ADAMTS16: variants seen among roughly 807,000 people sequenced by gnomAD.
ADAMTS16 encodes A disintegrin and metalloproteinase with thrombospondin motifs 16.
Under a neutral mutation model 145.8 loss-of-function variants are expected in ADAMTS16, and 94 were observed. The observed-to-expected ratio is 0.64, with a 90% CI of 0.55 to 0.77. The LOEUF (loss-of-function observed/expected upper bound fraction) is 0.77, where lower values mean the gene tolerates loss of function less well. Among genes scored for constraint, ADAMTS16 ranks in the 30% least tolerant of loss-of-function variants. The pLI is 0.00. For missense variants in ADAMTS16, 1,585 were observed against 1,591.5 expected (o/e 1.00, Z 0.07); for synonymous variants, 659 against 604.3 (o/e 1.09, Z -1.33).
chr5:5,309,915 G>A (rs558954790), intron 21 of ADAMTS16, among the ~76,000 whole-genome samples: 10 of 151,984 alleles, frequency 6.6e-5, no homozygotes, highest in African/African-American at 1.4e-4. Context: ...GTGGCCAGAC[G>A]AGCTCATAAA....
In ADAMTS16 at chr5:5,190,160, G is replaced by A. The variant is rs377356242; in HGVS notation, c.1207+30G>A. 31 of 1,538,730 alleles carry A rather than the reference G, an allele frequency of 2.0e-5. No individual in the cohort carries two copies. The East Asian group carries it at 4.9e-4, about 24-fold the overall frequency. On this transcript the variant is annotated intron_variant, in intron 7 of 22. Transcript: ENST00000274181. ...GAACCTCCAGCAGAGTGTGAGGACC[G>A]TGTGTGGAATGTGCACCCCTGGCCG...
chr5:5,153,328 A>G (rs894563665), intron 3 of ADAMTS16, among the ~76,000 whole-genome samples: 1 of 152,248 alleles, frequency 6.6e-6, no homozygotes, highest in Admixed American at 6.5e-5. Flanking sequence ...ATACCAGACT[A>G]TGAACTCTTC....
intron 3 of ADAMTS16, among the ~76,000 whole-genome samples, chr5:5,161,415 G>T (rs567356243): frequency 6.6e-6 from 1 of 152,240 alleles, no homozygotes; most frequent in African/African-American, 2.4e-5. Flanking sequence ...CTGACTCCAG[G>T]CTCTGTCATG....
chr5:5,274,705 CAT>C (rs1033429080), intron 18 of ADAMTS16, among the ~76,000 whole-genome samples: 2 of 146,362 alleles, frequency 1.4e-5, no homozygotes, highest in Admixed American at 7.1e-5. Context: ...TATATATACA[CAT>C]ATATATGCAT....
intron 3 of ADAMTS16, among the ~76,000 whole-genome samples, chr5:5,181,399 G>C (rs1017263636): frequency 1.3e-5 from 2 of 152,064 alleles, no homozygotes; most frequent in Admixed American, 1.3e-4. Flanking sequence ...GTCTCTCTAC[G>C]ATTTTTAACG....
intron 18 of ADAMTS16, among the ~76,000 whole-genome samples, chr5:5,299,414 G>A (rs1739680683): frequency 6.6e-6 from 1 of 152,218 alleles, no homozygotes; most frequent in Non-Finnish European, 1.5e-5. Context: ...CACATAATCT[G>A]CTGATGTCGT....
chr5:5,238,298 T>C (rs1737173923), intron 14 of ADAMTS16, among the ~76,000 whole-genome samples: 1 of 152,238 alleles, frequency 6.6e-6, no homozygotes, highest in Non-Finnish European at 1.5e-5. Flanking sequence ...TGGCAAAGCC[T>C]GCCCTGAACT....
intron 3 of ADAMTS16, among the ~76,000 whole-genome samples, chr5:5,150,005 G>C (rs1734405820): frequency 6.6e-6 from 1 of 152,144 alleles, no homozygotes; most frequent in Admixed American, 6.5e-5. Flanking sequence ...TTGTGTACAG[G>C]TTTTTGTATG....
intron 18 of ADAMTS16, 88 bp from the exon 19 acceptor site, chr5:5,303,180 C>T (rs750304038): frequency 4.7e-5 from 64 of 1,347,848 alleles, no homozygotes; most frequent in Non-Finnish European, 5.6e-5. Flanking sequence ...GCTGGGAAAT[C>T]GCGCCGCTGC....
intron 10 of ADAMTS16, among the ~76,000 whole-genome samples, chr5:5,218,392 T>C (rs1423013958): frequency 6.6e-6 from 1 of 152,060 alleles, no homozygotes; most frequent in African/African-American, 2.4e-5. Flanking sequence ...AAACCCCTAG[T>C]GGGAGCACGC....
chr5:5,298,329 T>C (rs1370217177), intron 18 of ADAMTS16, among the ~76,000 whole-genome samples: 1 of 152,274 alleles, frequency 6.6e-6, no homozygotes, highest in African/African-American at 2.4e-5. Context: ...TTCTACCTAC[T>C]GTGCTCATTT....
At chr5:5,199,879 G>A (rs973300478) in intron 8 of ADAMTS16, among the ~76,000 whole-genome samples, 3 of 152,188 alleles carry the variant, frequency 2.0e-5, no homozygotes, top group Non-Finnish European at 4.4e-5. Flanking sequence ...CATTCAATAC[G>A]CAGGCATCTG....
chr5:5,296,112 G>A (rs77169511), intron 18 of ADAMTS16, among the ~76,000 whole-genome samples: 3,202 of 152,176 alleles, frequency 0.021, 100 homozygotes, highest in African/African-American at 0.073. Context: ...GTAAGGAAGC[G>A]TCTGTGGTCC....
chr5:5,273,268 G>A (rs1368720656), intron 18 of ADAMTS16, among the ~76,000 whole-genome samples: 1 of 152,232 alleles, frequency 6.6e-6, no homozygotes, highest in South Asian at 2.1e-4. Context: ...ACTCACGCCT[G>A]TAATCCCAGC....
At chr5:5,299,272 A>G (rs955924401) in intron 18 of ADAMTS16, among the ~76,000 whole-genome samples, 1 of 152,200 alleles carries the variant, frequency 6.6e-6, no homozygotes, top group African/African-American at 2.4e-5. Context: ...TAAATTCTAA[A>G]AGGGAGGGCT....
chr5:5,149,689 C>T (rs1734397736), intron 3 of ADAMTS16, among the ~76,000 whole-genome samples: 1 of 152,130 alleles, frequency 6.6e-6, no homozygotes, highest in South Asian at 2.1e-4. Flanking sequence ...ATTTATATCA[C>T]CTCAAAAATA....
intron 21 of ADAMTS16, among the ~76,000 whole-genome samples, chr5:5,316,377 C>A (rs1205693451): frequency 2.0e-5 from 3 of 152,196 alleles, no homozygotes; most frequent in Non-Finnish European, 2.9e-5. Context: ...CTTGCAGGTG[C>A]TCCTTTAATT....
At chr5:5,162,649 CT>C (rs1170914564) in intron 3 of ADAMTS16, among the ~76,000 whole-genome samples, 8 of 152,016 alleles carry the variant, frequency 5.3e-5, no homozygotes, top group African/African-American at 1.9e-4. Context: ...TTCTGGAGGG[CT>C]TCTTTAACTT....
At chr5:5,165,383 A>G (rs141939935) in intron 3 of ADAMTS16, among the ~76,000 whole-genome samples, 4 of 152,272 alleles carry the variant, frequency 2.6e-5, no homozygotes, top group East Asian at 1.9e-4. Flanking sequence ...TGTTATCTAC[A>G]CAAATGCAGC....
Sources: gnomAD v4.1 joint callset for allele counts (sites outside exome capture counted in the v4.1 genomes callset) on GRCh38, gnomAD v4.1.1 for gene constraint, MANE v1.5 for transcripts, NCBI Gene and HGNC (gene_info 2026-07-23, HGNC 2026-07-21) for gene names.